SLC5A6: variants seen among roughly 807,000 people sequenced by gnomAD.
SLC5A6 encodes the protein solute carrier family 5 member 6.
Under a neutral mutation model 67.9 loss-of-function variants are expected in SLC5A6, and 31 were observed. The observed-to-expected ratio is 0.46, with a 90% CI of 0.34 to 0.62. SLC5A6 has a LOEUF of 0.62. SLC5A6 is among the 20% of genes least tolerant of loss of function. The pLI is 0.01. For missense variants in SLC5A6, 673 were observed against 812.8 expected (o/e 0.83, Z 2.09); for synonymous variants, 343 against 331.0 (o/e 1.04, Z -0.39).
chr2:27,212,243 C>G lies in SLC5A6; in HGVS notation c.-431G>C, dbSNP rs758829508. The G allele has an allele frequency of 3.2e-6, 5 of 1,560,800 alleles. No individual in the cohort carries two copies. The highest frequency in any genetic ancestry group is 4.3e-6 in the Non-Finnish European group (5 of 1,153,058). On this transcript the variant is annotated 5_prime_UTR_variant, in exon 1 of 17. Transcript: ENST00000310574. ...AGAGCTCCACGAGCAGGAAAAGCCCCCAAGCAGCCCCAGGGCGACTGGACC... is the reference window on the plus strand; with the variant it reads ...AGAGCTCCACGAGCAGGAAAAGCCCGCAAGCAGCCCCAGGGCGACTGGACC...
chr2:27,212,170 G>C lies in SLC5A6; in HGVS notation c.-358C>G, dbSNP rs376975254. 2 of 1,536,526 alleles carry C rather than the reference G, an allele frequency of 1.3e-6. No homozygotes were observed. The highest frequency in any genetic ancestry group is 2.1e-5 in the Admixed American group (1 of 47,626). Reference sequence around the variant, plus strand: ...CACTAAAGGGGAAAAGGAAGAGGGGGTCGGCCAGTATCCCCGAAAGAGGGC... The same window carrying C: ...CACTAAAGGGGAAAAGGAAGAGGGGCTCGGCCAGTATCCCCGAAAGAGGGC... On this transcript the variant is annotated 5_prime_UTR_variant, in exon 1 of 17. Transcript: ENST00000310574.
upstream of SLC5A6, chr2:27,212,489 C>T: frequency 6.5e-7 from 1 of 1,549,798 alleles, no homozygotes; most frequent in Non-Finnish European, 8.7e-7. Context: ...AGTTTGAGGT[C>T]GGGCTGAAGC....
chr2:27,210,390 A>G (rs1331998765), intron 2 of SLC5A6, among the ~76,000 whole-genome samples: 1 of 152,070 alleles, frequency 6.6e-6, no homozygotes, highest in African/African-American at 2.4e-5. Flanking sequence ...GTTTCACTAC[A>G]ACTATAACAT....
chr2:27,203,880 CGGAG>C lies in SLC5A6; in HGVS notation c.1006-17_1006-14del. On this transcript the variant is annotated splice_polypyrimidine_tract_variant and intron_variant, in intron 9 of 16. Coordinates refer to ENST00000310574, the MANE Select transcript of SLC5A6 (RefSeq NM_021095.4). ...AGTACAGGACGAACTGCAAGCAGAGCGGAGGTACACAGCAGTCCTCAGAGAGGGG... is the reference window on the plus strand; with the variant it reads ...AGTACAGGACGAACTGCAAGCAGAGCGTACACAGCAGTCCTCAGAGAGGGG... 6.2e-7 allele frequency: 1 copy of C among 1,606,718 alleles called. No homozygotes were observed. The highest frequency in any genetic ancestry group is 8.5e-7 in the Non-Finnish European group (1 of 1,173,488).
chr2:27,207,526 A>G lies in SLC5A6; in HGVS notation c.125T>C (p.Ile42Thr), dbSNP rs759184170. The change falls in exon 3 of 17, where the codon ATT (isoleucine) becomes ACT (threonine). Residue 42 changes from isoleucine (I) to threonine (T), a missense_variant. Ile to Thr is a moderately conservative substitution (Grantham distance 89, BLOSUM62 -1). Transcript: ENST00000310574. This position sits in a 1 kb window ranked among gnomAD's most constrained non-coding sequence, Gnocchi z 5.5. ...FVLLLVLSLA[I>T]GLYHACRGWG... is the part of the protein sequence containing the mutation. ...GCCACGACAAGCATGGTAGAGCCCA[A>G]TGGCAAGAGAGAGAACCAGCAGCAG... 8 of 1,614,222 alleles carry G rather than the reference A, an allele frequency of 5.0e-6. No homozygotes were observed. The highest frequency in any genetic ancestry group is 4.5e-5 in the East Asian group (2 of 44,884).
rs763089064 is a variant in SLC5A6 at position 27,200,440 on chromosome 2, A to G, written c.1904T>C (p.Leu635Pro). The G allele has an allele frequency of 3.1e-6, 5 of 1,610,092 alleles. No individual in the cohort carries two copies. In the South Asian group the frequency reaches 4.4e-5, roughly 14 times the overall value. ...SSTCILQETSL is the reference protein window; with the variant it reads ...SSTCILQETSP The stretch of plus-strand genomic sequence containing the variant: ...AGGCGGGGTCCTGAGTCAACATCAC[A>G]GGGAGGTCTCCTGGAGGATGCAGGT... Residue 635 changes from leucine (L) to proline (P), a missense_variant, in exon 17 of 17, where the codon CTG becomes CCG. Leu to Pro is a moderately conservative substitution (Grantham distance 98). Transcript: ENST00000310574.
Position 27,207,184 on chromosome 2 carries a change from C to T in SLC5A6, c.393+74G>A. 6.6e-7 allele frequency: 1 copy of T among 1,512,226 alleles called. No individual in the cohort carries two copies. The highest frequency in any genetic ancestry group is 9.1e-7 in the Non-Finnish European group (1 of 1,102,674). 93.7% of individuals were successfully genotyped at this position (1,512,226 alleles called of 1,614,324 possible). On this transcript the variant is annotated intron_variant, in intron 3 of 16. Transcript: ENST00000310574. This position sits in a 1 kb window ranked among gnomAD's most constrained non-coding sequence, Gnocchi z 5.5. ...GTGGAGGAGGTCTAGGGTCCCAGGTCCTTCCTATGTGCCTGTCCCTCCTCT... is the reference window on the plus strand; with the variant it reads ...GTGGAGGAGGTCTAGGGTCCCAGGTTCTTCCTATGTGCCTGTCCCTCCTCT...
In SLC5A6 at chr2:27,199,913, G is replaced by A. The variant is rs553288948; in HGVS notation, c.*523C>T. On this transcript the variant is annotated 3_prime_UTR_variant, in exon 17 of 17. Coordinates refer to ENST00000310574, the MANE Select transcript of SLC5A6 (RefSeq NM_021095.4). ...AACCTCCCTCTTCAGAATGGAGGTA[G>A]ACAGATAAAAATGAGAGGGGCTTGA... The A allele has an allele frequency of 6.5e-6, 1 of 153,424 alleles. No homozygotes were observed. The highest frequency in any genetic ancestry group is 2.1e-4 in the South Asian group (1 of 4,844). 9.5% of individuals were successfully genotyped at this position (153,424 alleles called of 1,614,324 possible). A position where few individuals can be genotyped will look rare whatever the true frequency, so the allele number is the denominator to read the frequency against.
rs1250083327 is a variant in SLC5A6 at position 27,207,714 on chromosome 2, C to T, written c.-64G>A. On this transcript the variant is annotated 5_prime_UTR_variant, in exon 3 of 17. Transcript: ENST00000310574. The surrounding 1 kb of genome is among the most constrained non-coding windows in gnomAD (Gnocchi z 5.5). The stretch of plus-strand genomic sequence containing the variant: ...CCAGGGCTCTGGGGTAGGGCAGGGG[C>T]GGATGTGTGGCTACAATCTGGCTTC... 13 of 1,480,766 alleles carry T rather than the reference C, an allele frequency of 8.8e-6. No individual in the cohort carries two copies. Among genetic ancestry groups the T allele is most frequent in the South Asian group, 3.8e-5 (3 of 79,374 alleles). 91.7% of individuals were successfully genotyped at this position (1,480,766 alleles called of 1,614,324 possible). A position where few individuals can be genotyped will look rare whatever the true frequency, so the allele number is the denominator to read the frequency against.
At chr2:27,211,848 A>T in intron 1 of SLC5A6, 172 bp downstream of exon 1, 1 of 198,190 alleles carries the variant, frequency 5.0e-6, no homozygotes, top group Non-Finnish European at 9.6e-6. Context: ...GCCCCGGCTC[A>T]GACGCCGCTC....
chr2:27,201,448 G>C lies in SLC5A6; in HGVS notation c.1550C>G (p.Thr517Arg), dbSNP rs751792770. 8.7e-6 allele frequency: 14 copies of C among 1,607,316 alleles called. No homozygotes were observed. The highest frequency in any genetic ancestry group is 1.3e-5 in the African/African-American group (1 of 74,796). ...LMPLTTFSKP[T>R]GLQRFYSLSY... ...CAAGGAATAGAACCGCTGCAGCCCT[G>C]TGGGCCTGGGAAGAGCAGAGGTGAG... The change falls in exon 15 of 17, where the codon ACA (threonine) becomes AGA (arginine). Residue 517 changes from threonine to arginine, a missense_variant. Physicochemically the swap from Thr to Arg is moderately conservative, Grantham distance 71. Transcript: ENST00000310574.
rs750797839 is a variant in SLC5A6 at position 27,201,710 on chromosome 2, G to C, written c.1500C>G (p.Thr500=). 4 of 1,614,164 alleles carry C rather than the reference G, an allele frequency of 2.5e-6. No individual in the cohort carries two copies. Among genetic ancestry groups the C allele is most frequent in the Non-Finnish European group, 3.4e-6 (4 of 1,179,998 alleles). ...GCATCAGTGTGGTCACAGTGGCAAC[G>C]GTTAGATTGGTGGGCAGGGAGAAGC... ...GSSFSLPTNL[T]VATVTTLMPL... Residue 500 remains threonine (T), a synonymous_variant, in exon 14 of 17, where the codon ACC becomes ACG. Transcript: ENST00000310574.
upstream of SLC5A6, chr2:27,212,636 A>G (rs1674630924): frequency 4.3e-6 from 6 of 1,407,070 alleles, no homozygotes; most frequent in Non-Finnish European, 5.5e-6. Context: ...CACGTCGTGC[A>G]GGCCTTCGGC....
At chr2:27,206,614 T>G (rs1010745824) in intron 4 of SLC5A6, 80 bp from the exon 5 acceptor site, 1 of 1,328,922 alleles carries the variant, frequency 7.5e-7, no homozygotes. Context: ...TCAGCGCCAA[T>G]ATGCCCATGG....
At chr2:27,204,652 C>A in intron 8 of SLC5A6, 62 bp from the exon 9 acceptor site, 4 of 1,602,178 alleles carry the variant, frequency 2.5e-6, no homozygotes, top group Non-Finnish European at 3.4e-6. Flanking sequence ...AGGTGTGTGC[C>A]CCTGACCTCC....
chr2:27,203,375 A>T (rs1477868622), intron 10 of SLC5A6, 30 bp from the exon 11 acceptor site: 4 of 1,607,374 alleles, frequency 2.5e-6, no homozygotes, highest in Admixed American at 3.3e-5. Flanking sequence ...TGAGGAGTTG[A>T]GCGAGGCAAA....
intron 2 of SLC5A6, among the ~76,000 whole-genome samples, chr2:27,210,789 C>T (rs915837172): frequency 2.0e-5 from 3 of 151,910 alleles, no homozygotes; most frequent in Non-Finnish European, 2.9e-5. Context: ...TTTGGGAGGC[C>T]GAGGCGGGCA....
chr2:27,200,831 G>C (rs1673568380), intron 16 of SLC5A6, among the ~76,000 whole-genome samples, 167 bp downstream of exon 16: 1 of 152,238 alleles, frequency 6.6e-6, no homozygotes, highest in Non-Finnish European at 1.5e-5. Context: ...AGCCAGTGCA[G>C]TCCTGTGGGT....
At chr2:27,211,164 G>C (rs1164065475) in intron 2 of SLC5A6, among the ~76,000 whole-genome samples, 1 of 152,184 alleles carries the variant, frequency 6.6e-6, no homozygotes, top group African/African-American at 2.4e-5. Flanking sequence ...ATCTGTCCTG[G>C]GGCCTATAAT....
Sources: gnomAD v4.1 joint callset for allele counts (sites outside exome capture counted in the v4.1 genomes callset) on GRCh38, gnomAD v4.1.1 for gene constraint, Gnocchi (gnomAD v3.1) non-coding constraint, MANE v1.5 for transcripts, NCBI Gene and HGNC (gene_info 2026-07-23, HGNC 2026-07-21) for gene names.